CWF19L2: variants seen among roughly 807,000 people sequenced by gnomAD.
The protein encoded by CWF19L2 is CWF19 like cell cycle control factor 2.
In CWF19L2, 98 loss-of-function variants were observed where a neutral mutation model predicts 111.7. That is an observed-to-expected ratio of 0.88 (90% confidence interval 0.75 to 1.04). The LOEUF is 1.04. Ranked by LOEUF, CWF19L2 falls within the 50% of genes least tolerant of loss-of-function variation. CWF19L2 has a pLI of 0.00. For missense variants in CWF19L2, 1,101 were observed against 1,051.4 expected (o/e 1.05, Z -0.65); for synonymous variants, 351 against 342.9 (o/e 1.02, Z -0.26).
chr11:107,386,769 C>G (rs1860772456), intron 12 of CWF19L2, among the ~76,000 whole-genome samples: 1 of 152,014 alleles, frequency 6.6e-6, no homozygotes, highest in African/African-American at 2.4e-5. Context: ...TAAATGCTAA[C>G]ACAGGGCTAG....
chr11:107,351,005 T>C (rs1860149446), intron 13 of CWF19L2, among the ~76,000 whole-genome samples: 1 of 152,170 alleles, frequency 6.6e-6, no homozygotes, highest in Admixed American at 6.5e-5. Context: ...GAATTGGGCC[T>C]GTAGGCCTGC....
chr11:107,441,477 T>C, intron 5 of CWF19L2, 26 bp downstream of exon 5: 1 of 1,490,048 alleles, frequency 6.7e-7, no homozygotes, highest in Middle Eastern at 1.8e-4. Flanking sequence ...AATTAGAAAG[T>C]TAAAGCATTT....
intron 10 of CWF19L2, chr11:107,403,675 AGGAATGAT>A: frequency 1.3e-6 from 1 of 779,530 alleles, no homozygotes; most frequent in Admixed American, 1.7e-5. Context: ...GTTCTTCCTC[AGGAATGAT>A]GCTGCCCTGA....
chr11:107,347,754 A>G (rs1282164659), intron 14 of CWF19L2, among the ~76,000 whole-genome samples: 1 of 152,184 alleles, frequency 6.6e-6, no homozygotes, highest in Non-Finnish European at 1.5e-5. Context: ...TGTACTCAAT[A>G]TCTGTTAAAT....
rs1206308739 is a variant in CWF19L2, at chr11:107,403,948, C to A, written c.1618-11053G>T. 3 of 889,278 alleles carry A rather than the reference C, an allele frequency of 3.4e-6. No homozygotes were observed. In the African/African-American group the frequency reaches 4.9e-5, roughly 15 times the overall value. 55.1% of individuals were successfully genotyped at this position (889,278 alleles called of 1,614,324 possible). ...AGGACTGGACCTGTCGTTTAAGGAC[C>A]TGCATTCTAGCTGTTGCGACAACTG... On this transcript the variant is annotated intron_variant, in intron 10 of 17. Coordinates refer to ENST00000282251, the MANE Select transcript of CWF19L2 (RefSeq NM_152434.3).
intron 12 of CWF19L2, among the ~76,000 whole-genome samples, chr11:107,370,765 T>C (rs1490166861): frequency 4.4e-5 from 6 of 137,310 alleles, no homozygotes; most frequent in Admixed American, 2.1e-4. Context: ...TAAACTTTAA[T>C]GTTGGCTTTG....
intron 9 of CWF19L2, among the ~76,000 whole-genome samples, 170 bp from the exon 10 acceptor site, chr11:107,416,468 TATCTC>T (rs1286453177): frequency 2.6e-5 from 4 of 152,244 alleles, no homozygotes; most frequent in Non-Finnish European, 4.4e-5. Context: ...TTAATGAACT[TATCTC>T]AGTTACAAAC....
chr11:107,360,105 T>A (rs925587689), intron 12 of CWF19L2, among the ~76,000 whole-genome samples: 3 of 152,212 alleles, frequency 2.0e-5, no homozygotes, highest in African/African-American at 7.2e-5. Flanking sequence ...TCATCTGTCC[T>A]CCTCCCACCC....
intron 14 of CWF19L2, among the ~76,000 whole-genome samples, chr11:107,338,750 C>T (rs1859963526): frequency 6.6e-6 from 1 of 152,310 alleles, no homozygotes; most frequent in South Asian, 2.1e-4. Context: ...GACATGATCT[C>T]ATTCCTTTTT....
At chr11:107,422,427 G>A (rs1487967684) in intron 8 of CWF19L2, among the ~76,000 whole-genome samples, 2 of 152,010 alleles carry the variant, frequency 1.3e-5, no homozygotes, top group African/African-American at 4.8e-5. Flanking sequence ...CCTAGGAGTG[G>A]AGAGCAGGGG....
chr11:107,450,793 TAAC>T (rs1446024676), intron 3 of CWF19L2, among the ~76,000 whole-genome samples: 1 of 152,096 alleles, frequency 6.6e-6, no homozygotes, highest in Admixed American at 6.5e-5. Context: ...GAAAACTTCG[TAAC>T]AACAGTCAGT....
chr11:107,342,419 T>C (rs1422885129), intron 14 of CWF19L2, among the ~76,000 whole-genome samples: 1 of 152,142 alleles, frequency 6.6e-6, no homozygotes, highest in African/African-American at 2.4e-5. Context: ...TGTTCCATAA[T>C]ACACTATTGA....
intron 17 of CWF19L2, among the ~76,000 whole-genome samples, chr11:107,328,518 C>T (rs754023535): frequency 6.6e-6 from 1 of 152,154 alleles, no homozygotes; most frequent in Non-Finnish European, 1.5e-5. Context: ...CTTGAGCCCA[C>T]AGGCTATTTC....
rs536459486 is a variant in CWF19L2 at position 107,368,761 on chromosome 11, G to A, written c.1873-15025C>T. On this transcript the variant is annotated intron_variant, in intron 12 of 17. Coordinates refer to ENST00000282251, the MANE Select transcript of CWF19L2 (RefSeq NM_152434.3). ...AGTCATTTTGAAAGGAAATATTCCC[G>A]AACAGTGTTATAAGCTTTCCTGCCT... is the stretch of plus-strand genomic sequence containing the variant. Among the ~76,000 whole-genome samples, 24 of 137,648 alleles carry A rather than the reference G, an allele frequency of 1.7e-4. 4 individuals are homozygous for A. Among genetic ancestry groups the A allele is most frequent in the Middle Eastern group, 3.7e-3 (1 of 268 alleles). 90.3% of individuals were successfully genotyped at this position (137,648 alleles called of 152,430 possible).
intron 6 of CWF19L2, among the ~76,000 whole-genome samples, chr11:107,436,590 A>T (rs989983882): frequency 6.6e-6 from 1 of 152,226 alleles, no homozygotes; most frequent in African/African-American, 2.4e-5. Context: ...AAGGCAGCCA[A>T]TTTAAACCAC....
intron 12 of CWF19L2, among the ~76,000 whole-genome samples, chr11:107,360,465 A>G (rs1237739262): frequency 6.6e-6 from 1 of 152,174 alleles, no homozygotes; most frequent in Non-Finnish European, 1.5e-5. Context: ...GGTATTTTTT[A>G]TAATGATTTA....
At chr11:107,336,528 AGT>A in intron 15 of CWF19L2, 28 bp downstream of exon 15, 1 of 1,540,472 alleles carries the variant, frequency 6.5e-7, no homozygotes, top group South Asian at 1.2e-5. Flanking sequence ...GCAAAAAATA[AGT>A]GTATATGCAA....
At chr11:107,452,783 G>C (rs551596693) in intron 3 of CWF19L2, among the ~76,000 whole-genome samples, 50 of 152,302 alleles carry the variant, frequency 3.3e-4, no homozygotes, top group African/African-American at 1.2e-3. Flanking sequence ...TAGAGCCCAG[G>C]AGTTCGAGAC....
intron 14 of CWF19L2, among the ~76,000 whole-genome samples, chr11:107,343,491 T>G (rs573676697): frequency 6.6e-6 from 1 of 152,208 alleles, no homozygotes; most frequent in South Asian, 2.1e-4. Context: ...CTTGTGGTAT[T>G]ATTACATTTG....
Sources: allele counts gnomAD v4.1 joint callset (sites outside exome capture counted in the v4.1 genomes callset), GRCh38; gene constraint gnomAD v4.1.1; transcripts MANE v1.5; gene names NCBI Gene and HGNC (gene_info 2026-07-23, HGNC 2026-07-21).